ANK3: variants seen among roughly 807,000 people sequenced by gnomAD.
The protein encoded by ANK3 is ankyrin 3.
Under a neutral mutation model 370.9 loss-of-function variants are expected in ANK3, and 57 were observed. The ratio of observed to expected loss-of-function variants is 0.15; its 90% CI spans 0.12 to 0.19. The LOEUF is 0.19. ANK3 is among the 10% of genes least tolerant of loss of function. The pLI is 1.00. For synonymous variants in ANK3, 1,929 were observed against 1,946.3 expected, an observed-to-expected ratio of 0.99 and a Z score of 0.23; for missense variants, 4,439 against 5,302.1, an observed-to-expected ratio of 0.84 and a Z score of 5.06.
At chr10:60,080,008 TGA>T (rs1383273054) in intron 36 of ANK3, among the ~76,000 whole-genome samples, 1 of 149,754 alleles carries the variant, frequency 6.7e-6, no homozygotes, top group East Asian at 2.0e-4. Flanking sequence ...GGAGAGGAAG[TGA>T]GAGGGAGGGA....
chr10:60,301,200 A>G lies in ANK3; in HGVS notation c.115-21561T>C, dbSNP rs1593311007. Among the ~76,000 whole-genome samples, 3 of 148,004 alleles carry G rather than the reference A, an allele frequency of 2.0e-5. No individual in the cohort carries two copies. The East Asian group carries it at 5.9e-4, about 29-fold the overall frequency. ...CTATATATAATCTATGTGTGTGTAT[A>G]TATATACTATATATGTATGTATGTA... On this transcript the variant is annotated intron_variant, in intron 1 of 43. Transcript: ENST00000280772.
At chr10:60,432,765 C>A (rs1206781004) in intron 2 of ANK3, among the ~76,000 whole-genome samples, 1 of 152,178 alleles carries the variant, frequency 6.6e-6, no homozygotes, top group African/African-American at 2.4e-5. Flanking sequence ...TGTTTCTCAG[C>A]ATTATTCTAA....
chr10:60,186,572 A>G, intron 17 of ANK3, 143 bp downstream of exon 17: 2 of 959,368 alleles, frequency 2.1e-6, no homozygotes, highest in South Asian at 1.4e-5. Flanking sequence ...TGCTCTGTTA[A>G]GTAACACTTT....
chr10:60,392,957 G>GA (rs932041980), upstream of ANK3, among the ~76,000 whole-genome samples: 21 of 149,586 alleles, frequency 1.4e-4, no homozygotes, highest in African/African-American at 2.7e-4. Context: ...CCCCAAAAAA[G>GA]AAAAAAAAAG....
At chr10:60,654,170 T>C (rs1025881912) in intron 1 of ANK3, among the ~76,000 whole-genome samples, 1 of 152,222 alleles carries the variant, frequency 6.6e-6, no homozygotes, top group Non-Finnish European at 1.5e-5. Context: ...ATTTTTCTTA[T>C]ATCCTGCAAC....
chr10:60,512,146 C>T (rs1290329565), intron 2 of ANK3, among the ~76,000 whole-genome samples: 1 of 151,908 alleles, frequency 6.6e-6, no homozygotes, highest in African/African-American at 2.4e-5. Flanking sequence ...TGGGTCTTAT[C>T]TTGTATAGGA....
intron 2 of ANK3, among the ~76,000 whole-genome samples, chr10:60,553,885 G>T (rs1251818166): frequency 6.6e-6 from 1 of 152,184 alleles, no homozygotes; most frequent in East Asian, 1.9e-4. Flanking sequence ...GTTCAAAACA[G>T]TTACAGACTT....
At position 60,293,668 on chromosome 10, in the gene ANK3, G is replaced by A. The variant is rs189336523; in HGVS notation, c.115-14029C>T. ...CATACAAAGAAGGCTAAAAATGACCGACAACTTTGTCCCATTAAACATAAA... is the reference window on the plus strand; with the variant it reads ...CATACAAAGAAGGCTAAAAATGACCAACAACTTTGTCCCATTAAACATAAA... On this transcript the variant is annotated intron_variant, in intron 1 of 43. Transcript: ENST00000280772. Among the ~76,000 whole-genome samples, 8 of 152,200 alleles carry A rather than the reference G, an allele frequency of 5.3e-5. No homozygotes were observed. In the East Asian group the frequency reaches 5.8e-4, roughly 11 times the overall value.
At position 60,086,422 on chromosome 10, in the gene ANK3, C is replaced by A. The variant is rs1284979187; in HGVS notation, c.3748+255G>T. ...TCAATGATACTTCTACTAATGCTAA[C>A]CTTAATAGCAGGAAAGATGCTATCA... On this transcript the variant is annotated intron_variant, in intron 30 of 43. Transcript: ENST00000280772. 7.0e-5 allele frequency: 25 copies of A among 359,296 alleles called. No homozygotes were observed. The East Asian group carries it at 1.1e-3, about 16-fold the overall frequency. 22.3% of individuals were successfully genotyped at this position (359,296 alleles called of 1,614,324 possible).
intron 1 of ANK3, among the ~76,000 whole-genome samples, chr10:60,629,946 T>C (rs971011946): frequency 2.0e-5 from 3 of 152,196 alleles, no homozygotes; most frequent in Admixed American, 6.5e-5. Context: ...GTTTAGATTT[T>C]ATTTTTTATT....
Position 60,200,173 on chromosome 10 carries a change from G to T in ANK3, c.1447C>A (p.Arg483=), listed in dbSNP as rs377592480. 6.2e-7 allele frequency: 1 copy of T among 1,613,894 alleles called. No homozygotes were observed. The highest frequency in any genetic ancestry group is 1.3e-5 in the African/African-American group (1 of 74,858). Residue 483 remains arginine, a synonymous_variant, in exon 13 of 44, where the codon CGG becomes AGG. Transcript: ENST00000280772. ...AARSGQAEVV[R]YLVQDGAQVE... The stretch of plus-strand genomic sequence containing the variant: ...TGAGCTCCGTCTTGTACCAGATACC[G>T]CACAACTTCAGCTTGGCCGGAGCGA...
chr10:60,427,780 G>A (rs1419456756), intron 2 of ANK3, among the ~76,000 whole-genome samples: 4 of 152,258 alleles, frequency 2.6e-5, no homozygotes, highest in East Asian at 3.9e-4. Context: ...CATGCACAGA[G>A]AGTCAAAGCA....
chr10:60,200,152 C>A lies in ANK3; in HGVS notation c.1468G>T (p.Ala490Ser). Residue 490 changes from alanine (A) to serine (S), a missense_variant, in exon 13 of 44, where the codon GCT becomes TCT. Ala to Ser is a moderately conservative substitution (Grantham distance 99, BLOSUM62 1). This residue lies in a region of ANK3 where 227 missense variants were observed against 377.6 expected (regional missense o/e 0.60). Coordinates refer to ENST00000280772, the MANE Select transcript of ANK3 (RefSeq NM_020987.5). ...EVVRYLVQDG[A>S]QVEAKAKDDQ... is the part of the protein sequence containing the mutation. ...ACCTTAGCTTTAGCTTCTACCTGAG[C>A]TCCGTCTTGTACCAGATACCGCACA... 1 of 1,614,138 alleles carries A rather than the reference C, an allele frequency of 6.2e-7. No individual in the cohort carries two copies. The highest frequency in any genetic ancestry group is 8.5e-7 in the Non-Finnish European group (1 of 1,179,988).
intron 1 of ANK3, among the ~76,000 whole-genome samples, chr10:60,298,929 C>T (rs182547877): frequency 2.0e-5 from 3 of 152,268 alleles, no homozygotes; most frequent in Admixed American, 6.5e-5. Flanking sequence ...TTCAAATCCA[C>T]AACTAATGGA....
At chr10:60,443,469 A>G (rs990338916) in intron 2 of ANK3, among the ~76,000 whole-genome samples, 1 of 151,970 alleles carries the variant, frequency 6.6e-6, no homozygotes, top group African/African-American at 2.4e-5. Context: ...ATTTTGCACC[A>G]CTCTGGCACA....
chr10:60,619,189 C>T (rs1283495219), intron 1 of ANK3, among the ~76,000 whole-genome samples: 1 of 152,022 alleles, frequency 6.6e-6, no homozygotes, highest in Non-Finnish European at 1.5e-5. Context: ...CTTCCCCATG[C>T]CCAGGCCCAC....
chr10:60,526,224 C>T (rs1249363906), intron 2 of ANK3, among the ~76,000 whole-genome samples: 1 of 152,090 alleles, frequency 6.6e-6, no homozygotes, highest in African/African-American at 2.4e-5. Context: ...ATTAGAAGGC[C>T]TTTTGAAACT....
intron 2 of ANK3, among the ~76,000 whole-genome samples, chr10:60,479,123 C>T (rs1352982182): frequency 6.6e-6 from 1 of 152,040 alleles, no homozygotes; most frequent in Non-Finnish European, 1.5e-5. Context: ...CTAGGAATCG[C>T]TTGAAATTTA....
chr10:60,046,966 C>A (rs933115951), intron 42 of ANK3, among the ~76,000 whole-genome samples: 2 of 152,046 alleles, frequency 1.3e-5, no homozygotes, highest in African/African-American at 4.8e-5. Flanking sequence ...GCCACCATGC[C>A]TGGCTAATTT....
Sources: allele counts gnomAD v4.1 joint callset (sites outside exome capture counted in the v4.1 genomes callset), GRCh38; gene constraint gnomAD v4.1.1; regional missense constraint gnomAD v4.1.1; transcripts MANE v1.5; gene names NCBI Gene and HGNC (gene_info 2026-07-23, HGNC 2026-07-21).